ETV1: variants seen among roughly 807,000 people sequenced by gnomAD.
ETV1 encodes the protein ETS variant transcription factor 1, also known as ETS translocation variant 1.
A neutral mutation model predicts 62.3 loss-of-function variants in ETV1; 27 were observed. That is an observed-to-expected ratio of 0.43 (90% CI 0.32 to 0.60). ETV1 has a LOEUF of 0.60. Among genes scored for constraint, ETV1 ranks in the 20% least tolerant of loss-of-function variants. The pLI, the probability that ETV1 is intolerant of heterozygous loss-of-function variation, is 0.06. For synonymous variants in ETV1, 222 were observed against 199.6 expected, an observed-to-expected ratio of 1.11 and a Z score of -0.94; for missense variants, 605 against 605.8, an observed-to-expected ratio of 1.00 and a Z score of 0.01.
chr7:13,969,165 A>T (rs1780613188), intron 6 of ETV1, among the ~76,000 whole-genome samples: 1 of 152,186 alleles, frequency 6.6e-6, no homozygotes, highest in South Asian at 2.1e-4. Flanking sequence ...TCTAATCAGC[A>T]TTGGGAAGTT....
At position 13,895,210 on chromosome 7, in the gene ETV1, C is replaced by T. The variant is rs1781656724; in HGVS notation, c.*656G>A. 1 of 233,414 alleles carries T rather than the reference C, an allele frequency of 4.3e-6. No homozygotes were observed. The highest frequency in any genetic ancestry group is 8.5e-6 in the Non-Finnish European group (1 of 117,948). The allele number at this position is 233,414 out of a possible 1,614,324, so 14.5% of individuals were successfully genotyped here. A position where few individuals can be genotyped will look rare whatever the true frequency, so the allele number is the denominator to read the frequency against. On this transcript the variant is annotated 3_prime_UTR_variant, in exon 14 of 14. Transcript: ENST00000430479. ...AGTCCAAAATTGTGCCCCTCATTTACAGTCATGGTGATTATTCAACTTCAG... is the reference window on the plus strand; with the variant it reads ...AGTCCAAAATTGTGCCCCTCATTTATAGTCATGGTGATTATTCAACTTCAG...
chr7:13,928,563 G>A (rs1306968825), intron 9 of ETV1, among the ~76,000 whole-genome samples: 4 of 152,088 alleles, frequency 2.6e-5, no homozygotes, highest in South Asian at 2.1e-4. Context: ...GCGGTGAGCC[G>A]AGATCGTGCC....
intron 13 of ETV1, 160 bp downstream of exon 13, chr7:13,900,578 T>C: frequency 3.5e-6 from 2 of 569,256 alleles, no homozygotes; most frequent in South Asian, 2.5e-5. Context: ...TAGGCATTTA[T>C]ACATAGAAAG....
upstream of ETV1, chr7:13,991,141 G>C (rs1361556767): frequency 6.6e-6 from 1 of 152,194 alleles, no homozygotes; most frequent in Non-Finnish European, 1.5e-5. Context: ...TTTTGAGCGG[G>C]AACTGCATTT....
At chr7:13,973,173 G>A (rs557592923) in intron 6 of ETV1, among the ~76,000 whole-genome samples, 305 of 152,262 alleles carry the variant, frequency 2.0e-3, no homozygotes, top group African/African-American at 7.0e-3. Flanking sequence ...CTATAATCCA[G>A]TATTGAGCAA....
At chr7:13,902,628 G>A (rs1184348119) in intron 12 of ETV1, among the ~76,000 whole-genome samples, 3 of 152,050 alleles carry the variant, frequency 2.0e-5, no homozygotes, top group South Asian at 2.1e-4. Context: ...CATAGCAGCC[G>A]AACTATATGC....
chr7:13,989,154 G>A lies in ETV1; in HGVS notation c.-87-15C>T. On this transcript the variant is annotated splice_polypyrimidine_tract_variant and intron_variant, in intron 2 of 13. Coordinates refer to ENST00000430479, the MANE Select transcript of ETV1 (RefSeq NM_004956.5). ...CTTCTATCAACCTAGAGGGGAACAA[G>A]ATGGCTTTTAGGCTTAAAAAAAAAT... 3.0e-6 allele frequency: 3 copies of A among 1,005,960 alleles called. No homozygotes were observed. The South Asian group carries it at 4.4e-5, about 15-fold the overall frequency. 62.3% of individuals were successfully genotyped at this position (1,005,960 alleles called of 1,614,324 possible). A position where few individuals can be genotyped will look rare whatever the true frequency, so the allele number is the denominator to read the frequency against.
chr7:13,945,987 TTC>T (rs966804600), intron 6 of ETV1, among the ~76,000 whole-genome samples: 3 of 152,220 alleles, frequency 2.0e-5, no homozygotes, highest in African/African-American at 7.2e-5. Context: ...TACTTTTCAT[TTC>T]TCTTACAGTA....
intron 6 of ETV1, 137 bp from the exon 7 acceptor site, chr7:13,939,383 T>C (rs986486133): frequency 8.9e-6 from 6 of 675,864 alleles, no homozygotes; most frequent in Non-Finnish European, 1.4e-5. Flanking sequence ...TCACGTTTGA[T>C]GAATTTCAGT....
At position 13,957,147 on chromosome 7, in the gene ETV1, G is replaced by A. The variant is rs570629398; in HGVS notation, c.236-17901C>T. On this transcript the variant is annotated intron_variant, in intron 6 of 13. Coordinates refer to ENST00000430479, the MANE Select transcript of ETV1 (RefSeq NM_004956.5). Reference sequence around the variant, plus strand: ...GTCGCCCAGGCTGGAGTGCAGTGGCGCGATCTCAGCTCACTCCAAGTTCCG... The same window carrying A: ...GTCGCCCAGGCTGGAGTGCAGTGGCACGATCTCAGCTCACTCCAAGTTCCG... Among the ~76,000 whole-genome samples, 52 of 151,930 alleles carry A rather than the reference G, an allele frequency of 3.4e-4. 2 individuals carry two copies. The highest frequency in any genetic ancestry group is 3.4e-3 in the Middle Eastern group (1 of 294).
intron 3 of ETV1, chr7:13,988,629 A>AC: frequency 6.5e-7 from 1 of 1,534,528 alleles, no homozygotes; most frequent in Non-Finnish European, 8.7e-7. Context: ...AGAAAAAAAA[A>AC]AGAAACAAAA....
Position 13,988,242 on chromosome 7 carries a change from G to GCACA in ETV1, c.46-73_46-70dup, listed in dbSNP as rs59844225. On this transcript the variant is annotated intron_variant, in intron 3 of 13. Transcript: ENST00000430479. The stretch of plus-strand genomic sequence containing the variant: ...AGATCACACACACGCACACGCGCGC[G>GCACA]CACACACACACACACAGACATGCAT... The GCACA allele has an allele frequency of 1.2e-3, 834 of 723,750 alleles. 3 individuals carry two copies. The highest frequency in any genetic ancestry group is 5.2e-3 in the African/African-American group (293 of 56,502). 44.8% of individuals were successfully genotyped at this position (723,750 alleles called of 1,614,324 possible).
intron 5 of ETV1, chr7:13,986,322 T>C: frequency 2.7e-6 from 4 of 1,497,472 alleles, no homozygotes; most frequent in Non-Finnish European, 2.6e-6. Context: ...TACAATAATA[T>C]AAACCTGATC....
chr7:13,939,160 G>A lies in ETV1; in HGVS notation c.322C>T (p.Pro108Ser). 6.2e-7 allele frequency: 1 copy of A among 1,613,300 alleles called. No homozygotes were observed. The highest frequency in any genetic ancestry group is 8.5e-7 in the Non-Finnish European group (1 of 1,179,658). The part of the protein sequence containing the change: ...EISSACSQEQ[P>S]FKFSYGEKCL... The stretch of plus-strand genomic sequence containing the variant: ...TTTTCTCCATAGCTGAATTTAAAGG[G>A]CTGTTCTTGACTGCAGGCAGAGCTG... The change falls in exon 7 of 14, where the codon CCC becomes TCC. Residue 108 changes from proline (P) to serine (S), a missense_variant. Pro to Ser is a moderately conservative substitution (Grantham distance 74). Transcript: ENST00000430479.
intron 13 of ETV1, chr7:13,900,364 A>G (rs1366924079): frequency 5.9e-6 from 1 of 170,162 alleles, no homozygotes; most frequent in African/African-American, 2.4e-5. Context: ...AAAAAAGTAC[A>G]AATTTATTCT....
At chr7:13,964,560 T>C (rs1262773511) in intron 6 of ETV1, among the ~76,000 whole-genome samples, 1 of 152,164 alleles carries the variant, frequency 6.6e-6, no homozygotes, top group East Asian at 1.9e-4. Context: ...TATGCATAGA[T>C]ACATTAACAT....
intron 3 of ETV1, 107 bp downstream of exon 3, chr7:13,988,901 G>C: frequency 6.6e-7 from 1 of 1,520,650 alleles, no homozygotes; most frequent in Non-Finnish European, 9.0e-7. Context: ...AAGCAGATAA[G>C]TATCTGCAAT....
chr7:13,968,642 C>T lies in ETV1; in HGVS notation c.235+8785G>A, dbSNP rs143501769. On this transcript the variant is annotated intron_variant, in intron 6 of 13. Transcript: ENST00000430479. ...AAAGTGTCCTTCATAGCAAATTCTACTTACATTATTCCCCCATGAATTACG... is the reference window on the plus strand; with the variant it reads ...AAAGTGTCCTTCATAGCAAATTCTATTTACATTATTCCCCCATGAATTACG... 8.7e-4 allele frequency among the ~76,000 whole-genome samples: 132 copies of T among 151,968 alleles called. 2 individuals are homozygous for T. Among genetic ancestry groups the T allele is most frequent in the African/African-American group, 3.1e-3 (127 of 41,494 alleles).
Position 13,895,565 on chromosome 7 carries a change from CA to C in ETV1, c.*300del, listed in dbSNP as rs1185951168. The stretch of plus-strand genomic sequence containing the variant: ...AGACATGATATAGTTTCATCATACT[CA>C]AAACTTGTAGGACCCCATCCCAAGC... On this transcript the variant is annotated 3_prime_UTR_variant, in exon 14 of 14. Coordinates refer to ENST00000430479, the MANE Select transcript of ETV1 (RefSeq NM_004956.5). 1 of 361,416 alleles carries C rather than the reference CA, an allele frequency of 2.8e-6. No homozygotes were observed. Among genetic ancestry groups the C allele is most frequent in the African/African-American group, 2.0e-5 (1 of 49,680 alleles). 22.4% of individuals were successfully genotyped at this position (361,416 alleles called of 1,614,324 possible).
Sources: allele counts gnomAD v4.1 joint callset (sites outside exome capture counted in the v4.1 genomes callset), GRCh38; gene constraint gnomAD v4.1.1; transcripts MANE v1.5; gene names NCBI Gene and HGNC (gene_info 2026-07-23, HGNC 2026-07-21).